The following CSNK1D variants were observed in gnomAD, a reference collection of about 807,000 sequenced individuals.
The protein encoded by CSNK1D is casein kinase 1 delta, also known as casein kinase I isoform delta.
Under a neutral mutation model 46.6 loss-of-function variants are expected in CSNK1D, and 16 were observed. The ratio of observed to expected loss-of-function variants is 0.34; its 90% CI spans 0.23 to 0.52. The LOEUF (loss-of-function observed/expected upper bound fraction) is 0.52, where lower values mean the gene tolerates loss of function less well. Among genes scored for constraint, CSNK1D ranks in the 20% least tolerant of loss-of-function variants. The pLI is 0.95. For missense variants in CSNK1D, 398 were observed against 578.4 expected, an observed-to-expected ratio of 0.69 and a Z score of 3.20; for synonymous variants, 276 against 228.2, an observed-to-expected ratio of 1.21 and a Z score of -1.89.
chr17:82,239,056 G>A, downstream of CSNK1D: 1 of 1,381,560 alleles, frequency 7.2e-7, no homozygotes, highest in Non-Finnish European at 9.7e-7. Flanking sequence ...AAACTGGACT[G>A]GCTCAGGCAG....
At chr17:82,261,523 A>G (rs2051339508) in intron 2 of CSNK1D, among the ~76,000 whole-genome samples, 1 of 152,250 alleles carries the variant, frequency 6.6e-6, no homozygotes, top group African/African-American at 2.4e-5. Context: ...AGAAATTTTC[A>G]TGAAGTTTTC....
downstream of CSNK1D, chr17:82,239,125 G>C (rs1025984443): frequency 1.4e-6 from 1 of 732,844 alleles, no homozygotes; most frequent in Non-Finnish European, 2.1e-6. Flanking sequence ...AGTGTTTTGA[G>C]GGGGAAGGTG....
chr17:82,258,238 G>A (rs921350754), intron 2 of CSNK1D, among the ~76,000 whole-genome samples: 1 of 149,280 alleles, frequency 6.7e-6, no homozygotes, highest in South Asian at 2.1e-4. Flanking sequence ...AAGGCATGAG[G>A]CATATACATA....
At position 82,249,811 on chromosome 17, in the gene CSNK1D, C is replaced by T; in HGVS notation, c.886-209G>A. ...GTCAGAGCCAGGCCTCTCAGCTCCCCCAACAATCGAAAAAACCCCACTCGC... is the reference window on the plus strand; with the variant it reads ...GTCAGAGCCAGGCCTCTCAGCTCCCTCAACAATCGAAAAAACCCCACTCGC... On this transcript the variant is annotated intron_variant, in intron 6 of 8. Transcript: ENST00000314028. This position sits in a 1 kb window ranked among gnomAD's most constrained non-coding sequence, Gnocchi z 6.7. The T allele has an allele frequency of 7.0e-7, 1 of 1,435,424 alleles. No homozygotes were observed. Among genetic ancestry groups the T allele is most frequent in the Non-Finnish European group, 9.1e-7 (1 of 1,099,622 alleles). 88.9% of individuals were successfully genotyped at this position (1,435,424 alleles called of 1,614,324 possible). A position where few individuals can be genotyped will look rare whatever the true frequency, so the allele number is the denominator to read the frequency against.
At position 82,248,556 on chromosome 17, in the gene CSNK1D, C is replaced by T. The variant is rs1229785797; in HGVS notation, c.1197+319G>A. ...TGGGGCGCAAGCAGGCGAGCGGTGTCAGCTGCCTGGGGACGGCTGCGGGCA... is the reference window on the plus strand; with the variant it reads ...TGGGGCGCAAGCAGGCGAGCGGTGTTAGCTGCCTGGGGACGGCTGCGGGCA... On this transcript the variant is annotated intron_variant, in intron 8 of 8. Coordinates refer to ENST00000314028, the MANE Select transcript of CSNK1D (RefSeq NM_001893.6). The surrounding 1 kb of genome is among the most constrained non-coding windows in gnomAD (Gnocchi z 4.1). 20 of 1,205,460 alleles carry T rather than the reference C, an allele frequency of 1.7e-5. No individual in the cohort carries two copies. The East Asian group carries it at 8.7e-4, about 52-fold the overall frequency. The allele number at this position is 1,205,460 out of a possible 1,614,324, so 74.7% of individuals were successfully genotyped here. A position where few individuals can be genotyped will look rare whatever the true frequency, so the allele number is the denominator to read the frequency against.
Position 82,243,313 on chromosome 17 carries a change from T to C in CSNK1D, c.*1468A>G, listed in dbSNP as rs1345147968. ...GCCCTAGAGTCCAAAGGGAACATCG[T>C]CCATCGTGATGGGGTCCAGCCGAAG... On this transcript the variant is annotated 3_prime_UTR_variant, in exon 9 of 9. Coordinates refer to ENST00000314028, the MANE Select transcript of CSNK1D (RefSeq NM_001893.6). 1 of 985,354 alleles carries C rather than the reference T, an allele frequency of 1.0e-6. No homozygotes were observed. Among genetic ancestry groups the C allele is most frequent in the Admixed American group, 6.2e-5 (1 of 16,258 alleles). The allele number at this position is 985,354 out of a possible 1,614,324, so 61.0% of individuals were successfully genotyped here.
Position 82,248,570 on chromosome 17 carries a change from C to A in CSNK1D, c.1197+305G>T. The A allele has an allele frequency of 8.2e-7, 1 of 1,223,422 alleles. No individual in the cohort carries two copies. The highest frequency in any genetic ancestry group is 1.0e-6 in the Non-Finnish European group (1 of 970,678). 75.8% of individuals were successfully genotyped at this position (1,223,422 alleles called of 1,614,324 possible). On this transcript the variant is annotated intron_variant, in intron 8 of 8. Coordinates refer to ENST00000314028, the MANE Select transcript of CSNK1D (RefSeq NM_001893.6). This position sits in a 1 kb window ranked among gnomAD's most constrained non-coding sequence, Gnocchi z 4.1. ...GCGAGCGGTGTCAGCTGCCTGGGGA[C>A]GGCTGCGGGCAGCGGGGCACTCAAA... is the stretch of plus-strand genomic sequence containing the variant.
rs756723660 is a variant in CSNK1D, at chr17:82,250,113, C to T, written c.886-511G>A. On this transcript the variant is annotated intron_variant, in intron 6 of 8. Coordinates refer to ENST00000314028, the MANE Select transcript of CSNK1D (RefSeq NM_001893.6). This position sits in a 1 kb window ranked among gnomAD's most constrained non-coding sequence, Gnocchi z 4.6. ...GGTGGCGTGGCCAGCAGCCGGCAGC[C>T]GGATCTGTGCTGCACTATCCAGATG... The T allele has an allele frequency of 2.5e-5, 32 of 1,290,520 alleles. No homozygotes were observed. In the African/African-American group the frequency reaches 3.5e-4, roughly 14 times the overall value. 79.9% of individuals were successfully genotyped at this position (1,290,520 alleles called of 1,614,324 possible).
rs2051702608 is a variant in CSNK1D at position 82,273,638 on chromosome 17, C to A, written c.-257G>T. The A allele has an allele frequency of 1.8e-6, 1 of 550,682 alleles. No individual in the cohort carries two copies. The highest frequency in any genetic ancestry group is 3.5e-5 in the Admixed American group (1 of 28,308). 34.1% of individuals were successfully genotyped at this position (550,682 alleles called of 1,614,324 possible). On this transcript the variant is annotated 5_prime_UTR_variant, in exon 1 of 9. Transcript: ENST00000314028. The surrounding 1 kb of genome is among the most constrained non-coding windows in gnomAD (Gnocchi z 5.1). Reference sequence around the variant, plus strand: ...TTGCCCTCTCCCCGCCGCGGATGGACTCGGATCTTCCGGGCCTAAATCCCC... The same window carrying A: ...TTGCCCTCTCCCCGCCGCGGATGGAATCGGATCTTCCGGGCCTAAATCCCC...
chr17:82,249,143 T>TC lies in CSNK1D; in HGVS notation c.1058-130_1058-129insG. On this transcript the variant is annotated intron_variant, in intron 7 of 8. Coordinates refer to ENST00000314028, the MANE Select transcript of CSNK1D (RefSeq NM_001893.6). The surrounding 1 kb of genome is among the most constrained non-coding windows in gnomAD (Gnocchi z 6.7). ...ACAGTCAGGACCTGGCTGTGGCCGA[T>TC]GGCCACCAACACTCAGATCCGGCCG... 2.6e-6 allele frequency: 3 copies of TC among 1,172,440 alleles called. No individual in the cohort carries two copies. The highest frequency in any genetic ancestry group is 3.6e-6 in the Non-Finnish European group (3 of 840,770). The allele number at this position is 1,172,440 out of a possible 1,614,324, so 72.6% of individuals were successfully genotyped here.
downstream of CSNK1D, among the ~76,000 whole-genome samples, chr17:82,240,622 G>A (rs1353721141): frequency 6.6e-6 from 1 of 152,138 alleles, no homozygotes; most frequent in Non-Finnish European, 1.5e-5. Context: ...TAGCTCAACT[G>A]TCACCCCTCG....
intron 3 of CSNK1D, chr17:82,253,556 A>G (rs1009177849): frequency 5.0e-6 from 2 of 396,878 alleles, no homozygotes; most frequent in Non-Finnish European, 9.6e-6. Context: ...TTCTCTGCAC[A>G]GACTACACAC....
chr17:82,272,990 C>G (rs1337776327), intron 1 of CSNK1D: 2 of 327,276 alleles, frequency 6.1e-6, no homozygotes, highest in African/African-American at 2.3e-5. Context: ...CGACCCTGCC[C>G]CTACCCAGGT....
At chr17:82,257,707 C>G (rs1169443281) in intron 2 of CSNK1D, among the ~76,000 whole-genome samples, 2 of 152,214 alleles carry the variant, frequency 1.3e-5, no homozygotes, top group South Asian at 4.1e-4. Context: ...CCAGACTGAA[C>G]AGATCCATGG....
Position 82,248,126 on chromosome 17 carries a change from C to T in CSNK1D, c.1197+749G>A, listed in dbSNP as rs1320675181. ...GGGATCTGGGCACCCCCCAGGATGC[C>T]TGCTGGTGAAACAGCCCTGCCCCAC... is the stretch of plus-strand genomic sequence containing the variant. On this transcript the variant is annotated intron_variant, in intron 8 of 8. Coordinates refer to ENST00000314028, the MANE Select transcript of CSNK1D (RefSeq NM_001893.6). This position sits in a 1 kb window ranked among gnomAD's most constrained non-coding sequence, Gnocchi z 4.1. 1.0e-6 allele frequency: 1 copy of T among 985,540 alleles called. No homozygotes were observed. The highest frequency in any genetic ancestry group is 1.2e-6 in the Non-Finnish European group (1 of 829,990). 61.0% of individuals were successfully genotyped at this position (985,540 alleles called of 1,614,324 possible).
At chr17:82,260,060 C>G (rs112113626) in intron 2 of CSNK1D, among the ~76,000 whole-genome samples, 1,557 of 121,308 alleles carry the variant, frequency 0.013, 30 homozygotes, top group Middle Eastern at 0.023. Flanking sequence ...GGTGTACTGA[C>G]TGATGTGACT....
chr17:82,247,547 G>C (rs1326581414), intron 8 of CSNK1D: 1 of 985,366 alleles, frequency 1.0e-6, no homozygotes, highest in Admixed American at 6.1e-5. Flanking sequence ...AGCACTCTGG[G>C]CTCCTGTACC....
chr17:82,273,586 C>T lies in CSNK1D; in HGVS notation c.-205G>A. 2 of 608,306 alleles carry T rather than the reference C, an allele frequency of 3.3e-6. No homozygotes were observed. The highest frequency in any genetic ancestry group is 3.1e-5 in the East Asian group (1 of 32,496). The allele number at this position is 608,306 out of a possible 1,614,324, so 37.7% of individuals were successfully genotyped here. A position where few individuals can be genotyped will look rare whatever the true frequency, so the allele number is the denominator to read the frequency against. ...GATGGGACAGTCCGAGCGCCGCCGCCGCTGCTCCGGCCCCTACCGGTCCCG... is the reference window on the plus strand; with the variant it reads ...GATGGGACAGTCCGAGCGCCGCCGCTGCTGCTCCGGCCCCTACCGGTCCCG... On this transcript the variant is annotated 5_prime_UTR_variant, in exon 1 of 9. Coordinates refer to ENST00000314028, the MANE Select transcript of CSNK1D (RefSeq NM_001893.6). This position sits in a 1 kb window ranked among gnomAD's most constrained non-coding sequence, Gnocchi z 5.1.
rs557819509 is a variant in CSNK1D, at chr17:82,249,626, G to A, written c.886-24C>T. On this transcript the variant is annotated intron_variant, in intron 6 of 8. Coordinates refer to ENST00000314028, the MANE Select transcript of CSNK1D (RefSeq NM_001893.6). This position sits in a 1 kb window ranked among gnomAD's most constrained non-coding sequence, Gnocchi z 6.7. Reference sequence around the variant, plus strand: ...CCCTGAGGAGGCAGGAGGTGAGGCCGGAATGGAACCAGCTTTGGCAGAAAG... The same window carrying A: ...CCCTGAGGAGGCAGGAGGTGAGGCCAGAATGGAACCAGCTTTGGCAGAAAG... 1.1e-4 allele frequency: 171 copies of A among 1,556,208 alleles called. 1 individual carries two copies. The South Asian group carries it at 1.5e-3, about 14-fold the overall frequency.
Sources: allele counts gnomAD v4.1 joint callset (sites outside exome capture counted in the v4.1 genomes callset), GRCh38; gene constraint gnomAD v4.1.1; non-coding constraint Gnocchi (gnomAD v3.1); transcripts MANE v1.5; gene names NCBI Gene and HGNC (gene_info 2026-07-23, HGNC 2026-07-21).